HECTD2: variants seen among roughly 807,000 people sequenced by gnomAD.
The protein encoded by HECTD2 is HECT domain E3 ubiquitin protein ligase 2, also known as probable E3 ubiquitin-protein ligase HECTD2.
A neutral mutation model predicts 103.2 loss-of-function variants in HECTD2; 35 were observed. The observed-to-expected ratio is 0.34, with a 90% CI of 0.26 to 0.45. HECTD2 has a LOEUF of 0.45. HECTD2 is among the 20% of genes least tolerant of loss of function. The pLI, the probability that HECTD2 is intolerant of heterozygous loss-of-function variation, is 1.00. For synonymous variants in HECTD2, 281 were observed against 329.9 expected (o/e 0.85, Z 1.61); for missense variants, 596 against 937.4 (o/e 0.64, Z 4.76).
chr10:91,454,966 T>C (rs1373872554), intron 2 of HECTD2, among the ~76,000 whole-genome samples: 1 of 152,146 alleles, frequency 6.6e-6, no homozygotes, highest in Non-Finnish European at 1.5e-5. Flanking sequence ...ATCCAGTCTA[T>C]CATTGATGGA....
intron 2 of HECTD2, 114 bp from the exon 3 acceptor site, chr10:91,460,313 A>G (rs1198207938): frequency 4.2e-6 from 4 of 950,398 alleles, no homozygotes; most frequent in East Asian, 2.7e-5. Context: ...TCTCAAAGTG[A>G]ATGTAATACA....
chr10:91,481,325 G>A (rs1389490634), intron 7 of HECTD2, among the ~76,000 whole-genome samples, 186 bp downstream of exon 7: 2 of 151,642 alleles, frequency 1.3e-5, no homozygotes, highest in African/African-American at 4.8e-5. Flanking sequence ...AGATAAGTAA[G>A]ATTTTAAAAA....
Position 91,465,542 on chromosome 10 carries a change from T to G in HECTD2, c.600+3358T>G, listed in dbSNP as rs185556769. On this transcript the variant is annotated intron_variant, in intron 5 of 20. Transcript: ENST00000298068. ...GATCATCTAGTATCTCACCATTAAT[T>G]ATGATGTTAGCTGTAGGGTTTTTTT... Among the ~76,000 whole-genome samples, 384 of 151,934 alleles carry G rather than the reference T, an allele frequency of 2.5e-3. 2 individuals carry two copies. The highest frequency in any genetic ancestry group is 4.7e-3 in the Non-Finnish European group (317 of 67,942).
rs1470541293 is a variant in HECTD2 at position 91,513,348 on chromosome 10, C to CTAA, written c.*966_*968dup. Reference sequence around the variant, plus strand: ...TTTGATCACCAGTTGTACCAAAACACTAATTTTTGAAAAAGATAGGTTAAA... The same window carrying CTAA: ...TTTGATCACCAGTTGTACCAAAACACTAATAATTTTTGAAAAAGATAGGTTAAA... On this transcript the variant is annotated 3_prime_UTR_variant, in exon 21 of 21. Transcript: ENST00000298068. 2 of 152,470 alleles carry CTAA rather than the reference C, an allele frequency of 1.3e-5. No homozygotes were observed. The highest frequency in any genetic ancestry group is 4.8e-5 in the African/African-American group (2 of 41,410). The allele number at this position is 152,470 out of a possible 1,614,324, so 9.4% of individuals were successfully genotyped here. A position where few individuals can be genotyped will look rare whatever the true frequency, so the allele number is the denominator to read the frequency against.
intron 2 of HECTD2, among the ~76,000 whole-genome samples, chr10:91,439,878 CTGTT>C (rs1436357172): frequency 2.0e-5 from 3 of 151,108 alleles, no homozygotes; most frequent in African/African-American, 2.4e-5. Context: ...ATTTGGCTCT[CTGTT>C]TGTCTATATT....
chr10:91,454,589 CTT>C (rs1208951011), intron 2 of HECTD2, among the ~76,000 whole-genome samples: 1 of 151,216 alleles, frequency 6.6e-6, no homozygotes, highest in Non-Finnish European at 1.5e-5. Flanking sequence ...TTTTTTAATA[CTT>C]TAAGTTCTAG....
At chr10:91,439,098 A>G (rs1844272204) in intron 2 of HECTD2, among the ~76,000 whole-genome samples, 1 of 152,148 alleles carries the variant, frequency 6.6e-6, no homozygotes, top group Non-Finnish European at 1.5e-5. Flanking sequence ...CCATTTGTCA[A>G]TTTTGGCTTT....
intron 20 of HECTD2, among the ~76,000 whole-genome samples, chr10:91,502,818 C>A (rs139571543): frequency 1.3e-3 from 195 of 152,088 alleles, no homozygotes; most frequent in African/African-American, 4.6e-3. Flanking sequence ...CTAAACTTTC[C>A]CAATAATTAT....
chr10:91,433,323 C>G (rs1227739846), intron 2 of HECTD2, among the ~76,000 whole-genome samples: 3 of 151,916 alleles, frequency 2.0e-5, no homozygotes, highest in Non-Finnish European at 4.4e-5. Context: ...CACTTTCACT[C>G]TCTTTTCTGT....
intron 7 of HECTD2, among the ~76,000 whole-genome samples, chr10:91,481,983 A>G (rs1177749365): frequency 6.6e-6 from 1 of 151,872 alleles, no homozygotes; most frequent in African/African-American, 2.4e-5. Flanking sequence ...ACCAAGAGGT[A>G]GTTAAGAAGA....
At chr10:91,496,573 A>C (rs534288147) in intron 15 of HECTD2, among the ~76,000 whole-genome samples, 1 of 152,268 alleles carries the variant, frequency 6.6e-6, no homozygotes, top group East Asian at 1.9e-4. Context: ...AGCTTTTACA[A>C]GATAGAGAGG....
At chr10:91,471,023 A>C (rs79211652) in intron 5 of HECTD2, among the ~76,000 whole-genome samples, 3,424 of 123,952 alleles carry the variant, frequency 0.028, 66 homozygotes, top group Non-Finnish European at 0.034. Context: ...CACACACACA[A>C]AGAAAACCTC....
chr10:91,484,358 A>G (rs2133289473), intron 8 of HECTD2, 149 bp from the exon 9 acceptor site: 1 of 1,420,320 alleles, frequency 7.0e-7, no homozygotes, highest in Non-Finnish European at 9.5e-7. Context: ...AAGATTTTGT[A>G]TCTTTTCAAA....
chr10:91,451,732 A>G (rs963889753), intron 2 of HECTD2, among the ~76,000 whole-genome samples: 1 of 152,116 alleles, frequency 6.6e-6, no homozygotes, highest in Non-Finnish European at 1.5e-5. Flanking sequence ...AATGAAATTT[A>G]TCTTTGCTTA....
rs114784427 is a variant in HECTD2, at chr10:91,500,118, C to T, written c.1951-384C>T. On this transcript the variant is annotated intron_variant, in intron 18 of 20. Transcript: ENST00000298068. ...CAAGAGACACAAGACAGACTATAAC[C>T]AAGTGCCCAAACTCTACAGTGCACA... 3.0e-3 allele frequency among the ~76,000 whole-genome samples: 449 copies of T among 152,168 alleles called. 3 individuals are homozygous for T. Among genetic ancestry groups the T allele is most frequent in the African/African-American group, 0.01 (424 of 41,508 alleles).
chr10:91,450,378 G>T (rs1844754308), intron 2 of HECTD2, among the ~76,000 whole-genome samples: 1 of 152,096 alleles, frequency 6.6e-6, no homozygotes, highest in Admixed American at 6.6e-5. Context: ...ATTAACTCAA[G>T]ATGGATTAAA....
At chr10:91,504,725 T>G (rs1934547883) in intron 20 of HECTD2, among the ~76,000 whole-genome samples, 1 of 151,780 alleles carries the variant, frequency 6.6e-6, no homozygotes. Context: ...CCAGGAGAAC[T>G]TCCCCAATCT....
intron 2 of HECTD2, among the ~76,000 whole-genome samples, chr10:91,441,911 T>C (rs938958318): frequency 7.5e-5 from 10 of 133,760 alleles, no homozygotes; most frequent in Admixed American, 3.5e-4. Flanking sequence ...TTTTTTTCTT[T>C]TTTTTTTGCT....
intron 2 of HECTD2, among the ~76,000 whole-genome samples, chr10:91,449,717 A>G (rs1236681522): frequency 3.9e-5 from 6 of 152,196 alleles, no homozygotes; most frequent in South Asian, 2.1e-4. Context: ...TCAATGTGCA[A>G]AAATCACAAG....
Sources: allele counts gnomAD v4.1 joint callset (sites outside exome capture counted in the v4.1 genomes callset), GRCh38; gene constraint gnomAD v4.1.1; transcripts MANE v1.5; gene names NCBI Gene and HGNC (gene_info 2026-07-23, HGNC 2026-07-21).